The following EYA2 variants were observed in gnomAD, a reference collection of about 807,000 sequenced individuals.
The protein encoded by EYA2 is protein phosphatase EYA2.
EYA2 carries 31 observed loss-of-function variants against 69.2 expected under a neutral mutation model. The observed-to-expected ratio is 0.45, with a 90% CI of 0.34 to 0.60. The LOEUF (loss-of-function observed/expected upper bound fraction) is 0.60, where lower values mean the gene tolerates loss of function less well. Among genes scored for constraint, EYA2 ranks in the 20% least tolerant of loss-of-function variants. The pLI is 0.02. For missense variants in EYA2, 622 were observed against 701.2 expected (o/e 0.89, Z 1.28); for synonymous variants, 257 against 279.4 (o/e 0.92, Z 0.80).
chr20:47,173,713 T>G lies in EYA2; in HGVS notation c.1198+846T>G, dbSNP rs1600770452. On this transcript the variant is annotated intron_variant, in intron 12 of 15. Coordinates refer to ENST00000327619, the MANE Select transcript of EYA2 (RefSeq NM_005244.5). ...GCTGGGATTAGAGGCATGCACCACC[T>G]GCCTGGCCCAGAATCTGCATTTTTG... 2.0e-5 allele frequency among the ~76,000 whole-genome samples: 3 copies of G among 152,156 alleles called. 1 individual carries two copies. The highest frequency in any genetic ancestry group is 7.2e-5 in the African/African-American group (3 of 41,520).
intron 1 of EYA2, among the ~76,000 whole-genome samples, chr20:46,925,094 A>G (rs1985357306): frequency 6.6e-6 from 1 of 152,164 alleles, no homozygotes; most frequent in Non-Finnish European, 1.5e-5. Context: ...CTGTCATCAC[A>G]TGGCCTTGTC....
chr20:46,953,420 G>A (rs1210576862), intron 1 of EYA2, among the ~76,000 whole-genome samples: 1 of 152,174 alleles, frequency 6.6e-6, no homozygotes, highest in Non-Finnish European at 1.5e-5. Context: ...TGGAAAGGAA[G>A]CATCAACATA....
chr20:46,899,158 T>C (rs1983967450), intron 1 of EYA2, among the ~76,000 whole-genome samples: 1 of 152,128 alleles, frequency 6.6e-6, no homozygotes, highest in African/African-American at 2.4e-5. Flanking sequence ...TGAGTGAAAA[T>C]GAAATCTACG....
rs6090587 is a variant in EYA2, at chr20:46,955,815, C to G, written c.-10-34186C>G. ...TTATATGTTACAATCTTAATCTTTC[C>G]TATGTTGATCACTGAGTACAGGCAT... On this transcript the variant is annotated intron_variant, in intron 1 of 15. Coordinates refer to ENST00000327619, the MANE Select transcript of EYA2 (RefSeq NM_005244.5). 2.0e-5 allele frequency among the ~76,000 whole-genome samples: 3 copies of G among 152,298 alleles called. No homozygotes were observed. The South Asian group carries it at 6.2e-4, about 32-fold the overall frequency.
intron 9 of EYA2, among the ~76,000 whole-genome samples, chr20:47,131,804 C>T (rs1235561126): frequency 1.3e-5 from 2 of 152,204 alleles, no homozygotes; most frequent in African/African-American, 4.8e-5. Flanking sequence ...AATAAGTGTA[C>T]ATTGTTTAAA....
At chr20:46,933,807 C>T (rs532313639) in intron 1 of EYA2, among the ~76,000 whole-genome samples, 20 of 152,340 alleles carry the variant, frequency 1.3e-4, no homozygotes, top group African/African-American at 4.8e-4. Context: ...TGCAGAAATA[C>T]ACAAGGTCAC....
chr20:46,923,664 C>T (rs1172443699), intron 1 of EYA2, among the ~76,000 whole-genome samples: 1 of 151,994 alleles, frequency 6.6e-6, no homozygotes, highest in Non-Finnish European at 1.5e-5. Flanking sequence ...TGAAATGATG[C>T]ACAAAAGAAA....
In EYA2 at chr20:47,166,722, G is replaced by A. The variant is rs140512735; in HGVS notation, c.979-2417G>A. On this transcript the variant is annotated intron_variant, in intron 10 of 15. Transcript: ENST00000327619. ...CCACTGTGCACCCGACACTGTTCTC[G>A]GTGCTCTCATGCAGCATCTCGCTTC... 4.3e-3 allele frequency among the ~76,000 whole-genome samples: 652 copies of A among 152,140 alleles called. 4 individuals carry two copies. Among genetic ancestry groups the A allele is most frequent in the African/African-American group, 0.015 (612 of 41,514 alleles).
rs776477690 is a variant in EYA2, at chr20:47,167,271, G to GT, written c.979-1861dup. 5.9e-3 allele frequency among the ~76,000 whole-genome samples: 687 copies of GT among 117,018 alleles called. 23 individuals carry two copies. In the East Asian group the frequency reaches 0.091, roughly 16 times the overall value. The allele number at this position is 117,018 out of a possible 152,430, so 76.8% of individuals were successfully genotyped here. ...AGGTCAGGCTCTGAGAGGAGAATCG[G>GT]TTTTTTTACTTTTTTTTTTTTTTTT... On this transcript the variant is annotated intron_variant, in intron 10 of 15. Coordinates refer to ENST00000327619, the MANE Select transcript of EYA2 (RefSeq NM_005244.5).
intron 1 of EYA2, among the ~76,000 whole-genome samples, chr20:46,954,714 G>A (rs939080499): frequency 2.0e-5 from 3 of 152,176 alleles, no homozygotes; most frequent in Non-Finnish European, 2.9e-5. Context: ...AGATGCCACC[G>A]ATAGCCACCT....
chr20:47,027,464 G>A (rs1393125598), intron 5 of EYA2, among the ~76,000 whole-genome samples: 1 of 152,174 alleles, frequency 6.6e-6, no homozygotes, highest in Non-Finnish European at 1.5e-5. Flanking sequence ...CCAGCCTGGG[G>A]GGTCACTCTC....
At chr20:47,054,008 T>C (rs553797130) in intron 5 of EYA2, among the ~76,000 whole-genome samples, 97 of 152,178 alleles carry the variant, frequency 6.4e-4, no homozygotes, top group Admixed American at 1.4e-3. Flanking sequence ...ATGGTATTGA[T>C]GATGACACTC....
rs2033886025 is a variant in EYA2, at chr20:47,154,698, GT to G, written c.978+11551del. Among the ~76,000 whole-genome samples the G allele has an allele frequency of 1.3e-5, 2 of 152,044 alleles. 1 individual carries two copies. Among genetic ancestry groups the G allele is most frequent in the South Asian group, 4.2e-4 (2 of 4,770 alleles). On this transcript the variant is annotated intron_variant, in intron 10 of 15. Coordinates refer to ENST00000327619, the MANE Select transcript of EYA2 (RefSeq NM_005244.5). ...CAAGGGAGGCTGGAGTCACTGAGAA[GT>G]GTGGTGGCGGAAAGCCAAGATCTGA...
intron 7 of EYA2, among the ~76,000 whole-genome samples, chr20:47,087,234 C>T (rs1171639047): frequency 6.6e-6 from 1 of 152,146 alleles, no homozygotes; most frequent in Non-Finnish European, 1.5e-5. Flanking sequence ...GGAAATAGTT[C>T]TTTCAGTGTA....
chr20:47,123,684 A>G (rs898294236), intron 9 of EYA2, among the ~76,000 whole-genome samples: 1 of 152,160 alleles, frequency 6.6e-6, no homozygotes, highest in Non-Finnish European at 1.5e-5. Flanking sequence ...ATCAAGAATA[A>G]AGGGGATATG....
At chr20:47,166,270 C>T (rs1019440549) in intron 10 of EYA2, among the ~76,000 whole-genome samples, 2 of 151,604 alleles carry the variant, frequency 1.3e-5, no homozygotes, top group African/African-American at 4.8e-5. Flanking sequence ...CATGGTGGCA[C>T]ACACCTGTAG....
At chr20:47,072,090 C>A in intron 5 of EYA2, 95 bp from the exon 6 acceptor site, 1 of 1,127,202 alleles carries the variant, frequency 8.9e-7, no homozygotes, top group Non-Finnish European at 1.3e-6. Context: ...ACCCTTGAAG[C>A]CACATGGAGG....
intron 1 of EYA2, among the ~76,000 whole-genome samples, chr20:46,909,012 G>A (rs1427211150): frequency 6.6e-6 from 1 of 150,646 alleles, no homozygotes; most frequent in Non-Finnish European, 1.5e-5. Flanking sequence ...CTTCCAAGGA[G>A]CAATCAGCTT....
At chr20:47,088,864 C>G (rs942538736) in intron 7 of EYA2, among the ~76,000 whole-genome samples, 5 of 152,206 alleles carry the variant, frequency 3.3e-5, no homozygotes, top group Non-Finnish European at 4.4e-5. Context: ...CGTAAGCCCC[C>G]ACGCCGGGCC....
Sources: allele counts gnomAD v4.1 joint callset (sites outside exome capture counted in the v4.1 genomes callset), GRCh38; gene constraint gnomAD v4.1.1; transcripts MANE v1.5; gene names NCBI Gene and HGNC (gene_info 2026-07-23, HGNC 2026-07-21).